LRRK1: variants seen among roughly 807,000 people sequenced by gnomAD.
LRRK1 encodes leucine rich repeat kinase 1.
LRRK1 carries 113 observed loss-of-function variants against 209.1 expected under a neutral mutation model. That is an observed-to-expected ratio of 0.54 (90% CI 0.46 to 0.63). LRRK1 has a LOEUF of 0.63. LRRK1 is among the 30% of genes least tolerant of loss of function. The pLI, the probability that LRRK1 is intolerant of heterozygous loss-of-function variation, is 0.00. For synonymous variants in LRRK1, 1,144 were observed against 1,099.7 expected (o/e 1.04, Z -0.80); for missense variants, 2,284 against 2,632.2 (o/e 0.87, Z 2.89).
chr15:101,059,142 C>A (rs1324741871), intron 29 of LRRK1, among the ~76,000 whole-genome samples: 1 of 152,144 alleles, frequency 6.6e-6, no homozygotes, highest in Non-Finnish European at 1.5e-5. Flanking sequence ...GTAACCCCAG[C>A]ACTTTAGGAG....
chr15:101,037,406 C>G (rs559960115), intron 20 of LRRK1, among the ~76,000 whole-genome samples: 1 of 152,296 alleles, frequency 6.6e-6, no homozygotes, highest in East Asian at 1.9e-4. Context: ...GGCAGTCCCT[C>G]AGCCCTAGTC....
chr15:100,998,421 T>A (rs1177601803), intron 6 of LRRK1, among the ~76,000 whole-genome samples: 5 of 152,134 alleles, frequency 3.3e-5, no homozygotes, highest in African/African-American at 9.7e-5. Context: ...ACCCCAACCT[T>A]CTATGTCTCA....
rs1254995577 is a variant in LRRK1, at chr15:100,938,494, C to T, written c.97+13765C>T. On this transcript the variant is annotated intron_variant, in intron 2 of 33. Coordinates refer to ENST00000388948, the MANE Select transcript of LRRK1 (RefSeq NM_024652.6). The stretch of plus-strand genomic sequence containing the variant: ...AACAGACCACAAACTATTGTTAACT[C>T]GATTCCCCCTCCAGTGCTCTGGTGC... Among the ~76,000 whole-genome samples, 4 of 152,180 alleles carry T rather than the reference C, an allele frequency of 2.6e-5. No individual in the cohort carries two copies. The South Asian group carries it at 6.2e-4, about 24-fold the overall frequency.
At chr15:100,929,242 A>G (rs1474973808) in intron 2 of LRRK1, among the ~76,000 whole-genome samples, 18 of 151,522 alleles carry the variant, frequency 1.2e-4, no homozygotes, top group Non-Finnish European at 5.9e-5. Context: ...GGTGGGTGGA[A>G]CTTGAGCAGA....
At chr15:100,971,448 T>G (rs1290406117) in intron 2 of LRRK1, among the ~76,000 whole-genome samples, 1 of 152,188 alleles carries the variant, frequency 6.6e-6, no homozygotes, top group African/African-American at 2.4e-5. Flanking sequence ...TGGGTTTAGC[T>G]TGAGAGCTGG....
Position 101,010,436 on chromosome 15 carries a change from C to G in LRRK1, c.990-14C>G, listed in dbSNP as rs894906981. The G allele has an allele frequency of 1.9e-6, 3 of 1,601,196 alleles. No individual in the cohort carries two copies. The African/African-American group carries it at 4.0e-5, about 22-fold the overall frequency. On this transcript the variant is annotated splice_polypyrimidine_tract_variant and intron_variant, in intron 7 of 33. Coordinates refer to ENST00000388948, the MANE Select transcript of LRRK1 (RefSeq NM_024652.6). ...CTTTATTCTGATGCCTGCCTTCCTT[C>G]TTCTCCATCGCAGGCTACTTGAAAT...
rs981420563 is a variant in LRRK1, at chr15:101,065,528, G to A, written c.5091G>A (p.Glu1697=). The change falls in exon 32 of 34, where the codon GAG becomes GAA. Residue 1697 remains glutamate (E), a synonymous_variant. Transcript: ENST00000388948. Reference sequence around the variant, plus strand: ...ACCCCTACCCAGTGAAGGCCATGGAGGTGGTCAACAGCGGCTCTGAGGTCT... The same window carrying A: ...ACCCCTACCCAGTGAAGGCCATGGAAGTGGTCAACAGCGGCTCTGAGGTCT... ...RQNPYPVKAM[E]VVNSGSEVWY... The A allele has an allele frequency of 1.9e-6, 3 of 1,614,124 alleles. No individual in the cohort carries two copies. Among genetic ancestry groups the A allele is most frequent in the Non-Finnish European group, 2.5e-6 (3 of 1,180,058 alleles).
rs193266345 is a variant in LRRK1, at chr15:100,966,174, A to G, written c.98-7630A>G. 2.6e-5 allele frequency among the ~76,000 whole-genome samples: 4 copies of G among 152,330 alleles called. No individual in the cohort carries two copies. The East Asian group carries it at 7.7e-4, about 29-fold the overall frequency. ...TTAAATCAAAAGTTACCAATTCTCA[A>G]ATACAAAACAATAGTATTTTGGAGA... On this transcript the variant is annotated intron_variant, in intron 2 of 33. Transcript: ENST00000388948.
intron 2 of LRRK1, among the ~76,000 whole-genome samples, chr15:100,952,144 G>A (rs761692340): frequency 2.5e-4 from 38 of 152,180 alleles, no homozygotes; most frequent in Non-Finnish European, 3.7e-4. Flanking sequence ...ATAGAAAGTA[G>A]ATTAGTGGTT....
At position 101,051,897 on chromosome 15, in the gene LRRK1, C is replaced by A; in HGVS notation, c.3626C>A (p.Pro1209Gln). The change falls in exon 24 of 34, where the codon CCG becomes CAG. Residue 1209 changes from proline (P) to glutamine (Q), a missense_variant. Coordinates refer to ENST00000388948, the MANE Select transcript of LRRK1 (RefSeq NM_024652.6). The part of the protein sequence containing the change: ...ERDFISCPRH[P>Q]DLPVPLQELV... ...GACTTCATCTCCTGCCCCAGACACC[C>A]GGACCTCCCCGTGCCGCTGCAGGAG... is the stretch of plus-strand genomic sequence containing the variant. 1 of 1,614,028 alleles carries A rather than the reference C, an allele frequency of 6.2e-7. No homozygotes were observed. Among genetic ancestry groups the A allele is most frequent in the Non-Finnish European group, 8.5e-7 (1 of 1,180,018 alleles).
Position 100,956,444 on chromosome 15 carries a change from C to CT in LRRK1, c.98-17350dup, listed in dbSNP as rs1411903028. ...AAACTCTTACTTTCGCTTTTCTTTC[C>CT]TTTTTTTTTTCTTTTTTTTTTTTTT... On this transcript the variant is annotated intron_variant, in intron 2 of 33. Transcript: ENST00000388948. Among the ~76,000 whole-genome samples the CT allele has an allele frequency of 1.3e-4, 9 of 71,748 alleles. 1 individual carries two copies. Among genetic ancestry groups the CT allele is most frequent in the African/African-American group, 4.0e-4 (6 of 14,936 alleles). 47.1% of individuals were successfully genotyped at this position (71,748 alleles called of 152,430 possible).
intron 22 of LRRK1, 135 bp from the exon 23 acceptor site, chr15:101,049,509 C>G: frequency 2.1e-6 from 2 of 955,622 alleles, no homozygotes; most frequent in Non-Finnish European, 3.1e-6. Context: ...AGGGAGGAGT[C>G]CCCCATCGGT....
At chr15:100,964,266 C>T (rs745786432) in intron 2 of LRRK1, among the ~76,000 whole-genome samples, 2 of 152,212 alleles carry the variant, frequency 1.3e-5, no homozygotes, top group Non-Finnish European at 2.9e-5. Context: ...CTGCACACCC[C>T]CAACCTCCAC....
Position 100,997,359 on chromosome 15 carries a change from G to A in LRRK1, c.762+7961G>A, listed in dbSNP as rs149470843. On this transcript the variant is annotated intron_variant, in intron 6 of 33. Transcript: ENST00000388948. Reference sequence around the variant, plus strand: ...TCAGCTGATGATCGAATTTAATTTAGCCAAAGTTTATCGATCTCCTGCCAG... The same window carrying A: ...TCAGCTGATGATCGAATTTAATTTAACCAAAGTTTATCGATCTCCTGCCAG... Among the ~76,000 whole-genome samples the A allele has an allele frequency of 2.6e-4, 40 of 152,268 alleles. No homozygotes were observed. The East Asian group carries it at 7.5e-3, about 29-fold the overall frequency.
rs542949541 is a variant in LRRK1 at position 101,065,420 on chromosome 15, C to G, written c.4983C>G (p.Thr1661=). ...CTGTGTTTCCCGTGGTGCGGGGCACCCCAAAGGACAGCTGCTCCTACCTGT... is the reference window on the plus strand; with the variant it reads ...CTGTGTTTCCCGTGGTGCGGGGCACGCCAAAGGACAGCTGCTCCTACCTGT... The part of the protein sequence containing the change: ...LVAVFPVVRG[T]PKDSCSYLCS... Residue 1661 remains threonine (T), a synonymous_variant, in exon 32 of 34, where the codon ACC becomes ACG. Transcript: ENST00000388948. 6.2e-7 allele frequency: 1 copy of G among 1,614,142 alleles called. No homozygotes were observed. Among genetic ancestry groups the G allele is most frequent in the African/African-American group, 1.3e-5 (1 of 75,068 alleles).
At chr15:100,948,845 C>T (rs1324585193) in intron 2 of LRRK1, among the ~76,000 whole-genome samples, 5 of 152,080 alleles carry the variant, frequency 3.3e-5, no homozygotes, top group Admixed American at 6.6e-5. Flanking sequence ...AAACACATCA[C>T]GCTAACACTT....
At chr15:101,014,885 T>C (rs1215360495) in intron 11 of LRRK1, among the ~76,000 whole-genome samples, 3 of 152,162 alleles carry the variant, frequency 2.0e-5, no homozygotes, top group Non-Finnish European at 4.4e-5. Flanking sequence ...CCTAATGGTG[T>C]CCTCTCATTT....
At position 100,962,823 on chromosome 15, in the gene LRRK1, A is replaced by ATATATATAT; in HGVS notation, c.98-10980_98-10979insATATATATT. Among the ~76,000 whole-genome samples the ATATATATAT allele has an allele frequency of 2.7e-3, 31 of 11,544 alleles. 1 individual carries two copies. The highest frequency in any genetic ancestry group is 7.6e-3 in the African/African-American group (30 of 3,958). The allele number at this position is 11,544 out of a possible 152,430, so 7.6% of individuals were successfully genotyped here. A position where few individuals can be genotyped will look rare whatever the true frequency, so the allele number is the denominator to read the frequency against. The stretch of plus-strand genomic sequence containing the variant: ...TATATATATATATATATATATATAT[A>ATATATATAT]TTTTTTTTTTTTTTTTTGAGATGGA... On this transcript the variant is annotated intron_variant, in intron 2 of 33. Coordinates refer to ENST00000388948, the MANE Select transcript of LRRK1 (RefSeq NM_024652.6).
chr15:100,977,392 A>T (rs1193891179), intron 3 of LRRK1, among the ~76,000 whole-genome samples: 1 of 152,122 alleles, frequency 6.6e-6, no homozygotes, highest in East Asian at 1.9e-4. Flanking sequence ...AGGCTGTAAC[A>T]GGCACCCCAA....
Sources: gnomAD v4.1 joint callset for allele counts (sites outside exome capture counted in the v4.1 genomes callset) on GRCh38, gnomAD v4.1.1 for gene constraint, MANE v1.5 for transcripts, NCBI Gene and HGNC (gene_info 2026-07-23, HGNC 2026-07-21) for gene names.